Variants in MYO7A observed in about 807,000 individuals in gnomAD.
The protein encoded by MYO7A is unconventional myosin-VIIa.
A neutral mutation model predicts 263.8 loss-of-function variants in MYO7A; 210 were observed. The ratio of observed to expected loss-of-function variants is 0.80; its 90% CI spans 0.71 to 0.89. The LOEUF is 0.89. MYO7A is among the 40% of genes least tolerant of loss of function. The probability of loss-of-function intolerance (pLI) is 0.00; values close to 1 mark genes in which losing one functional copy is unlikely to be tolerated. For missense variants in MYO7A, 2,820 were observed against 2,968.3 expected, an observed-to-expected ratio of 0.95 and a Z score of 1.16; for synonymous variants, 1,239 against 1,197.3, an observed-to-expected ratio of 1.03 and a Z score of -0.72.
Position 77,205,762 on chromosome 11 carries a change from G to A in MYO7A, c.5636+145G>A, listed in dbSNP as rs1195147998. On this transcript the variant is annotated intron_variant, in intron 40 of 48. Transcript: ENST00000409709. The stretch of plus-strand genomic sequence containing the variant: ...CCTCAACTGCCAGCTAGACGGAGGT[G>A]CGGATCCTGCAGCTGCTCAGGATGC... 15 of 1,144,068 alleles carry A rather than the reference G, an allele frequency of 1.3e-5. 1 individual carries two copies. The Admixed American group carries it at 2.5e-4, about 19-fold the overall frequency. The allele number at this position is 1,144,068 out of a possible 1,614,324, so 70.9% of individuals were successfully genotyped here. A position where few individuals can be genotyped will look rare whatever the true frequency, so the allele number is the denominator to read the frequency against.
Position 77,138,193 on chromosome 11 carries a change from C to T in MYO7A, c.19-4516C>T, listed in dbSNP as rs997501149. Reference sequence around the variant, plus strand: ...TCCCGCCCGCGGGCGTCACCTAAGCCGCCGTTGCCATGGGCCCGCAGCAGA... The same window carrying T: ...TCCCGCCCGCGGGCGTCACCTAAGCTGCCGTTGCCATGGGCCCGCAGCAGA... On this transcript the variant is annotated intron_variant, in intron 2 of 48. Transcript: ENST00000409709. The surrounding 1 kb of genome is among the most constrained non-coding windows in gnomAD (Gnocchi z 4.9). Among the ~76,000 whole-genome samples the T allele has an allele frequency of 4.3e-4, 66 of 152,004 alleles. No individual in the cohort carries two copies. The highest frequency in any genetic ancestry group is 2.6e-4 in the Admixed American group (4 of 15,286).
At chr11:77,155,529 C>T (rs551643214) in intron 4 of MYO7A, among the ~76,000 whole-genome samples, 111 of 152,358 alleles carry the variant, frequency 7.3e-4, no homozygotes, top group Non-Finnish European at 1.1e-3. Context: ...GATACAGGGC[C>T]TGGAGGCGAT....
At chr11:77,155,882 G>T (rs56189361) in intron 4 of MYO7A, 25 bp from the exon 5 acceptor site, 197 of 1,553,290 alleles carry the variant, frequency 1.3e-4, no homozygotes, top group Non-Finnish European at 1.4e-4. Context: ...GAATCAGCGA[G>T]CTCCCCATCT....
chr11:77,210,795 T>C (rs956008919), intron 44 of MYO7A: 2 of 180,858 alleles, frequency 1.1e-5, no homozygotes, highest in Admixed American at 6.1e-5. Context: ...CAGAGGAGGA[T>C]GGGCCCAGGA....
rs12288356 is a variant in MYO7A at position 77,175,076 on chromosome 11, G to A, written c.2094+162G>A. Among the ~76,000 whole-genome samples, 2,959 of 152,282 alleles carry A rather than the reference G, an allele frequency of 0.019. 84 individuals carry two copies. Among genetic ancestry groups the A allele is most frequent in the African/African-American group, 0.066 (2,763 of 41,554 alleles). ...GTTCAGGTATTGGAATGCATCAGTG[G>A]GCTTCAGTTGCCATGTTCAGCTGGT... On this transcript the variant is annotated intron_variant, in intron 17 of 48. Transcript: ENST00000409709.
At chr11:77,206,342 G>A in intron 41 of MYO7A, 140 bp downstream of exon 41, 1 of 667,322 alleles carries the variant, frequency 1.5e-6, no homozygotes, top group Non-Finnish European at 2.5e-6. Flanking sequence ...TGGAGTCGGG[G>A]CTCAGGACGA....
intron 2 of MYO7A, among the ~76,000 whole-genome samples, chr11:77,131,604 C>T (rs2135527974): frequency 6.6e-6 from 1 of 152,286 alleles, no homozygotes; most frequent in South Asian, 2.1e-4. Flanking sequence ...TTGCTGTGTG[C>T]CAGGGCCTGG....
chr11:77,175,880 G>A (rs74663976), intron 18 of MYO7A, among the ~76,000 whole-genome samples: 89 of 152,330 alleles, frequency 5.8e-4, no homozygotes, highest in African/African-American at 1.9e-3. Flanking sequence ...GGCCCATCCC[G>A]TGCTGGGGTC....
chr11:77,139,242 G>T (rs948959431), intron 2 of MYO7A, among the ~76,000 whole-genome samples: 8 of 152,218 alleles, frequency 5.3e-5, no homozygotes, highest in South Asian at 2.1e-4. Flanking sequence ...GTTCACTGTG[G>T]ATATGTGCTG....
intron 30 of MYO7A, 161 bp downstream of exon 30, chr11:77,191,031 C>G (rs561406534): frequency 4.4e-5 from 36 of 814,958 alleles, no homozygotes; most frequent in Non-Finnish European, 6.6e-5. Context: ...TCAGGACTGC[C>G]GAGAACTCGG....
chr11:77,198,250 G>A (rs1201499525), intron 33 of MYO7A, among the ~76,000 whole-genome samples: 1 of 152,192 alleles, frequency 6.6e-6, no homozygotes, highest in African/African-American at 2.4e-5. Flanking sequence ...CAGGGCAGGG[G>A]CTTGTCCAAA....
At chr11:77,130,940 G>A (rs1337267587) in intron 2 of MYO7A, among the ~76,000 whole-genome samples, 1 of 152,238 alleles carries the variant, frequency 6.6e-6, no homozygotes, top group Non-Finnish European at 1.5e-5. Flanking sequence ...CCCAGGTGTG[G>A]GAAGGTCCCT....
chr11:77,192,552 G>A (rs905916660), intron 31 of MYO7A, among the ~76,000 whole-genome samples: 1 of 152,120 alleles, frequency 6.6e-6, no homozygotes, highest in Non-Finnish European at 1.5e-5. Flanking sequence ...GCGTGCTACA[G>A]AGGACGTGCC....
intron 34 of MYO7A, 104 bp from the exon 35 acceptor site, chr11:77,199,431 C>T: frequency 7.8e-7 from 1 of 1,286,286 alleles, no homozygotes; most frequent in South Asian, 1.9e-5. Flanking sequence ...CCATGCCTGA[C>T]TCTGGCCAGG....
intron 3 of MYO7A, among the ~76,000 whole-genome samples, chr11:77,147,265 A>C: frequency 1.4e-5 from 2 of 146,068 alleles, no homozygotes; most frequent in African/African-American, 2.6e-5. Flanking sequence ...CTCTTCCTTC[A>C]TGCCTCAGCT....
intron 29 of MYO7A, 94 bp downstream of exon 29, chr11:77,190,233 A>C: frequency 8.3e-7 from 1 of 1,205,618 alleles, no homozygotes. Context: ...GTGCCCCAGA[A>C]ACATTCCCTG....
intron 3 of MYO7A, among the ~76,000 whole-genome samples, chr11:77,145,254 C>G (rs1414671743): frequency 6.6e-6 from 1 of 152,174 alleles, no homozygotes; most frequent in African/African-American, 2.4e-5. Flanking sequence ...AGCAGCAGCA[C>G]TCTACAGACC....
chr11:77,192,461 C>T lies in MYO7A; in HGVS notation c.4152+183C>T, dbSNP rs536090171. 5.3e-5 allele frequency among the ~76,000 whole-genome samples: 8 copies of T among 152,248 alleles called. No homozygotes were observed. In the East Asian group the frequency reaches 7.7e-4, roughly 15 times the overall value. On this transcript the variant is annotated intron_variant, in intron 31 of 48. Coordinates refer to ENST00000409709, the MANE Select transcript of MYO7A (RefSeq NM_000260.4). Reference sequence around the variant, plus strand: ...ACTTCAGGGGGCTCGTGAGGAGAGGCGAGATGGCGGGAGCAAGGGCTTCTG... The same window carrying T: ...ACTTCAGGGGGCTCGTGAGGAGAGGTGAGATGGCGGGAGCAAGGGCTTCTG...
chr11:77,146,059 G>A (rs533812547), intron 3 of MYO7A, among the ~76,000 whole-genome samples: 12 of 152,338 alleles, frequency 7.9e-5, no homozygotes, highest in Admixed American at 1.3e-4. Context: ...GAGGCAGGGG[G>A]ATGGCACAGA....
Sources: gnomAD v4.1 joint callset for allele counts (sites outside exome capture counted in the v4.1 genomes callset) on GRCh38, gnomAD v4.1.1 for gene constraint, Gnocchi (gnomAD v3.1) non-coding constraint, MANE v1.5 for transcripts, NCBI Gene and HGNC (gene_info 2026-07-23, HGNC 2026-07-21) for gene names.